Variants in DCHS2 observed in about 807,000 individuals in gnomAD.
DCHS2 encodes protocadherin-23.
A neutral mutation model predicts 182.4 loss-of-function variants in DCHS2; 142 were observed. The ratio of observed to expected loss-of-function variants is 0.78; its 90% CI spans 0.68 to 0.89. DCHS2 has a LOEUF of 0.89. Among genes scored for constraint, DCHS2 ranks in the 40% least tolerant of loss-of-function variants. The probability of loss-of-function intolerance (pLI) is 0.00; values close to 1 mark genes in which losing one functional copy is unlikely to be tolerated. For missense variants in DCHS2, 4,319 were observed against 4,198.6 expected (o/e 1.03, Z -0.79); for synonymous variants, 1,740 against 1,663.3 (o/e 1.05, Z -1.12).
Position 154,358,622 on chromosome 4 carries a change from C to T in DCHS2, c.2476+7588G>A, listed in dbSNP as rs113431488. Among the ~76,000 whole-genome samples, 1,426 of 152,200 alleles carry T rather than the reference C, an allele frequency of 9.4e-3. 17 individuals are homozygous for T. Among genetic ancestry groups the T allele is most frequent in the Middle Eastern group, 0.017 (5 of 294 alleles). On this transcript the variant is annotated intron_variant, in intron 3 of 19. Coordinates refer to ENST00000357232, the MANE Select transcript of DCHS2 (RefSeq NM_001358235.2). Reference sequence around the variant, plus strand: ...CATTAAATTTCTTTGAATGAACACTCATCACTTAGAAAAGAAGGGAAGTAT... The same window carrying T: ...CATTAAATTTCTTTGAATGAACACTTATCACTTAGAAAAGAAGGGAAGTAT...
chr4:154,397,006 A>G (rs542620796), intron 1 of DCHS2, among the ~76,000 whole-genome samples: 1 of 152,366 alleles, frequency 6.6e-6, no homozygotes, highest in African/African-American at 2.4e-5. Flanking sequence ...GCCTAAGACA[A>G]GAAAGGCATC....
chr4:154,341,269 T>A (rs988160110), intron 3 of DCHS2, among the ~76,000 whole-genome samples: 2 of 147,376 alleles, frequency 1.4e-5, no homozygotes, highest in South Asian at 2.1e-4. Context: ...TTTGGGAGGC[T>A]GAGGCAGGAG....
chr4:154,255,638 G>C lies in DCHS2; in HGVS notation c.6822C>G (p.Asn2274Lys). 1.2e-6 allele frequency: 2 copies of C among 1,613,710 alleles called. No homozygotes were observed. The highest frequency in any genetic ancestry group is 1.7e-6 in the Non-Finnish European group (2 of 1,179,856). Reference protein sequence around the residue: ...VFATDLDSGLNGLIEYSILSG... With the variant: ...VFATDLDSGLKGLIEYSILSG... ...ACAGAATAGAATACTCAATCAGGCCGTTCAAACCACTGTCCAAGTCGGTAG... is the reference window on the plus strand; with the variant it reads ...ACAGAATAGAATACTCAATCAGGCCCTTCAAACCACTGTCCAAGTCGGTAG... The change falls in exon 16 of 20, where the codon AAC becomes AAG. Residue 2274 changes from asparagine to lysine, a missense_variant. Transcript: ENST00000357232.
intron 14 of DCHS2, among the ~76,000 whole-genome samples, chr4:154,265,343 A>G (rs1301675269): frequency 2.0e-5 from 3 of 152,218 alleles, no homozygotes; most frequent in Non-Finnish European, 2.9e-5. Context: ...TATGCACTGT[A>G]AGTCATAGTA....
At chr4:154,296,468 C>T (rs1166065881) in intron 13 of DCHS2, among the ~76,000 whole-genome samples, 3 of 152,130 alleles carry the variant, frequency 2.0e-5, no homozygotes, top group African/African-American at 7.2e-5. Context: ...ATTAAGTGAA[C>T]ATTTAATGAC....
In DCHS2 at chr4:154,491,142, A is replaced by G; in HGVS notation, c.214T>C (p.Ser72Pro). The stretch of plus-strand genomic sequence containing the variant: ...TCCGGGGGAAGCCCCTCATCTACGG[A>G]AAGGGTGAGGTTGAACAACTGGGCA... ...SSAQLFNLTLSVDEGLPPDTL... is the reference protein window; with the variant it reads ...SSAQLFNLTLPVDEGLPPDTL... Residue 72 changes from serine (S) to proline (P), a missense_variant, in exon 1 of 20, where the codon TCC becomes CCC. Transcript: ENST00000357232. 4 of 1,551,288 alleles carry G rather than the reference A, an allele frequency of 2.6e-6. No individual in the cohort carries two copies. The highest frequency in any genetic ancestry group is 3.5e-6 in the Non-Finnish European group (4 of 1,146,796).
intron 5 of DCHS2, chr4:154,331,529 T>C: frequency 1.3e-6 from 2 of 1,546,618 alleles, no homozygotes; most frequent in Non-Finnish European, 1.8e-6. Context: ...GCTTGCAACC[T>C]TCTTGGCAAG....
At chr4:154,367,180 T>C (rs1325344298) in intron 2 of DCHS2, among the ~76,000 whole-genome samples, 1 of 152,196 alleles carries the variant, frequency 6.6e-6, no homozygotes, top group African/African-American at 2.4e-5. Flanking sequence ...TCTGCAGGTC[T>C]CTGGAAGGAC....
chr4:154,325,806 C>G (rs1263708894), intron 7 of DCHS2, among the ~76,000 whole-genome samples: 1 of 152,140 alleles, frequency 6.6e-6, no homozygotes, highest in South Asian at 2.1e-4. Flanking sequence ...GAATTTGGCT[C>G]CCTGACCATG....
At chr4:154,364,744 A>G (rs954252950) in intron 3 of DCHS2, among the ~76,000 whole-genome samples, 6 of 152,148 alleles carry the variant, frequency 3.9e-5, no homozygotes, top group Non-Finnish European at 7.3e-5. Flanking sequence ...GTAAATTATC[A>G]TTTGTTTCTA....
Position 154,329,691 on chromosome 4 carries a change from C to T in DCHS2, c.3750G>A (p.Val1250=). ...NPNTGELINW[V]ALDREHRGHH... ...GCCCCCGGTGCTCACGATCCAGTGC[C>T]ACCCAATTGATTAACTCTCCTGCAG... The change falls in exon 6 of 20, where the codon GTG becomes GTA. Residue 1250 remains valine (V), a synonymous_variant. Transcript: ENST00000357232. The T allele has an allele frequency of 1.2e-6, 2 of 1,611,942 alleles. No individual in the cohort carries two copies. Among genetic ancestry groups the T allele is most frequent in the African/African-American group, 2.7e-5 (2 of 74,972 alleles).
intron 1 of DCHS2, among the ~76,000 whole-genome samples, chr4:154,436,844 C>T (rs1030917187): frequency 6.6e-6 from 1 of 152,090 alleles, no homozygotes; most frequent in African/African-American, 2.4e-5. Flanking sequence ...CAGGGGATTT[C>T]AAAACTTAAT....
At chr4:154,323,185 C>T (rs1736143955) in intron 7 of DCHS2, 7 of 1,548,970 alleles carry the variant, frequency 4.5e-6, no homozygotes, top group Non-Finnish European at 6.1e-6. Flanking sequence ...ATATGTTCCT[C>T]TATTCTTATG....
In DCHS2 at chr4:154,490,911, C is replaced by A; in HGVS notation, c.445G>T (p.Ala149Ser). The A allele has an allele frequency of 1.9e-6, 3 of 1,551,294 alleles. No homozygotes were observed. The highest frequency in any genetic ancestry group is 1.7e-6 in the Non-Finnish European group (2 of 1,146,898). Residue 149 changes from alanine to serine, a missense_variant, in exon 1 of 20, where the codon GCT becomes TCT. Transcript: ENST00000357232. ...ACGCGAATCTCCACCTGCACCACAG[C>A]GCCCAGCAGCGTGGCGGCGACGAAG... Reference protein sequence around the residue: ...YSFVAATLLGAVVQVEIRVND... With the variant: ...YSFVAATLLGSVVQVEIRVND...
At position 154,236,680 on chromosome 4, in the gene DCHS2, C is replaced by A; in HGVS notation, c.7972G>T (p.Val2658Phe). Residue 2658 changes from valine to phenylalanine, a missense_variant, in exon 20 of 20, where the codon GTC becomes TTC. Transcript: ENST00000357232. ...CTGAAGTTTGGGGGATTGTCATTGACATCAAGTACTTGTATTGATATGACA... is the reference window on the plus strand; with the variant it reads ...CTGAAGTTTGGGGGATTGTCATTGAAATCAAGTACTTGTATTGATATGACA... ...TAVISIQVLDVNDNPPNFSSL... is the reference protein window; with the variant it reads ...TAVISIQVLDFNDNPPNFSSL... The A allele has an allele frequency of 6.2e-7, 1 of 1,613,994 alleles. No homozygotes were observed. Among genetic ancestry groups the A allele is most frequent in the Non-Finnish European group, 8.5e-7 (1 of 1,179,958 alleles).
Position 154,327,724 on chromosome 4 carries a change from G to A in DCHS2, c.4018+369C>T, listed in dbSNP as rs1036281727. Among the ~76,000 whole-genome samples, 4 of 152,172 alleles carry A rather than the reference G, an allele frequency of 2.6e-5. No individual in the cohort carries two copies. In the East Asian group the frequency reaches 7.7e-4, roughly 29 times the overall value. On this transcript the variant is annotated intron_variant, in intron 7 of 19. Coordinates refer to ENST00000357232, the MANE Select transcript of DCHS2 (RefSeq NM_001358235.2). ...CTTACAAGTATTCAGTCTTCATAAA[G>A]ATTTATAGATGCTTGGAACTCTTAG... is the stretch of plus-strand genomic sequence containing the variant.
intron 1 of DCHS2, among the ~76,000 whole-genome samples, chr4:154,475,826 A>T (rs1056447006): frequency 6.6e-6 from 1 of 152,202 alleles, no homozygotes; most frequent in Non-Finnish European, 1.5e-5. Context: ...TTCTCAAAAT[A>T]ACCCTTCAAA....
intron 14 of DCHS2, among the ~76,000 whole-genome samples, chr4:154,261,303 C>T (rs150465797): frequency 3.5e-4 from 53 of 152,282 alleles, no homozygotes; most frequent in South Asian, 1.0e-3. Flanking sequence ...AGTGACATAA[C>T]GCATATTTGG....
At chr4:154,291,495 T>C (rs1190985517) in intron 13 of DCHS2, among the ~76,000 whole-genome samples, 1 of 152,152 alleles carries the variant, frequency 6.6e-6, no homozygotes, top group Non-Finnish European at 1.5e-5. Context: ...TCTGCACTTC[T>C]ATGTTTATTG....
Sources: allele counts gnomAD v4.1 joint callset (sites outside exome capture counted in the v4.1 genomes callset), GRCh38; gene constraint gnomAD v4.1.1; transcripts MANE v1.5; gene names NCBI Gene and HGNC (gene_info 2026-07-23, HGNC 2026-07-21).